The following SMIM35 variants were observed in gnomAD, a reference collection of about 807,000 sequenced individuals.
SMIM35 encodes TMPRSS4 antisense RNA 1 (non-protein coding).
At chr11:118,056,479 C>T (rs952647932) in intron 1 of SMIM35, among the ~76,000 whole-genome samples, 3 of 152,224 alleles carry the variant, frequency 2.0e-5, no homozygotes, top group African/African-American at 7.2e-5. Context: ...GCAGTTCCAT[C>T]GTCCTGTTGA....
At chr11:118,063,663 A>G (rs1310970709) in intron 1 of SMIM35, among the ~76,000 whole-genome samples, 1 of 152,166 alleles carries the variant, frequency 6.6e-6, no homozygotes, top group Non-Finnish European at 1.5e-5. Context: ...CCACCCCTAA[A>G]CTTAGGGGAG....
intron 1 of SMIM35, among the ~76,000 whole-genome samples, chr11:118,033,039 G>A (rs930581275): frequency 3.3e-5 from 5 of 152,178 alleles, no homozygotes; most frequent in African/African-American, 1.2e-4. Flanking sequence ...CACACGCATG[G>A]AAATTTTTAT....
chr11:118,062,151 G>A (rs989083898), intron 1 of SMIM35, among the ~76,000 whole-genome samples: 4 of 152,188 alleles, frequency 2.6e-5, no homozygotes, highest in Non-Finnish European at 4.4e-5. Context: ...CCAACATGGC[G>A]AAATCCCATC....
chr11:118,046,828 G>T (rs1329889380), intron 1 of SMIM35, among the ~76,000 whole-genome samples: 3 of 152,212 alleles, frequency 2.0e-5, no homozygotes, highest in Non-Finnish European at 4.4e-5. Context: ...TCATATGAGA[G>T]TCGGTATAGG....
chr11:118,046,359 T>G (rs1031001194), intron 1 of SMIM35, among the ~76,000 whole-genome samples: 20 of 152,214 alleles, frequency 1.3e-4, no homozygotes, highest in Non-Finnish European at 2.2e-4. Context: ...TAGATGGATG[T>G]GTGATCTCCT....
At chr11:118,075,999 TG>T (rs1474471151) in intron 1 of SMIM35, among the ~76,000 whole-genome samples, 1 of 152,228 alleles carries the variant, frequency 6.6e-6, no homozygotes, top group African/African-American at 2.4e-5. Flanking sequence ...CTGGGTGCGG[TG>T]GCTCACGCCA....
rs2058246533 is a variant in SMIM35 at position 118,023,239 on chromosome 11, G to A, written c.8-7430C>T. Among the ~76,000 whole-genome samples, 3 of 152,100 alleles carry A rather than the reference G, an allele frequency of 2.0e-5. No individual in the cohort carries two copies. In the South Asian group the frequency reaches 6.2e-4, roughly 32 times the overall value. Reference sequence around the variant, plus strand: ...GAATCCTATTCACTCATCAGTCTGAGGCCTTCAGCAAGTTATTTAACCACC... The same window carrying A: ...GAATCCTATTCACTCATCAGTCTGAAGCCTTCAGCAAGTTATTTAACCACC... On this transcript the variant is annotated intron_variant, in intron 1 of 4. Transcript: ENST00000689828.
At chr11:118,028,916 G>A in intron 1 of SMIM35, 1 of 418,928 alleles carries the variant, frequency 2.4e-6, no homozygotes, top group Admixed American at 2.7e-5. Context: ...AGGAGGAGGA[G>A]GAGGGGAAAA....
rs1450732727 is a variant in SMIM35 at position 118,004,062 on chromosome 11, C to G, written c.*2348G>C. 2.0e-5 allele frequency: 3 copies of G among 152,298 alleles called. No homozygotes were observed. Among genetic ancestry groups the G allele is most frequent in the East Asian group, 3.9e-4 (2 of 5,184 alleles). 9.4% of individuals were successfully genotyped at this position (152,298 alleles called of 1,614,324 possible). On this transcript the variant is annotated 3_prime_UTR_variant, in exon 5 of 5. Transcript: ENST00000689828. ...GGCTCTCTTCCTGGCTTGGAGACGGCCTCCTTCTTGCTGTGGCCTTACACG... is the reference window on the plus strand; with the variant it reads ...GGCTCTCTTCCTGGCTTGGAGACGGGCTCCTTCTTGCTGTGGCCTTACACG...
chr11:118,013,607 C>A (rs1026224224), intron 4 of SMIM35, 141 bp downstream of exon 4: 30 of 386,800 alleles, frequency 7.8e-5, no homozygotes, highest in African/African-American at 4.8e-4. Flanking sequence ...AGCCTGAGAT[C>A]GGCACCAGAA....
intron 1 of SMIM35, among the ~76,000 whole-genome samples, chr11:118,037,417 TA>T: frequency 6.6e-6 from 1 of 152,276 alleles, no homozygotes; most frequent in East Asian, 1.9e-4. Flanking sequence ...CTAGAGGTCC[TA>T]AGAAGGGGAG....
chr11:118,007,531 G>C (rs1642558583), intron 4 of SMIM35, among the ~76,000 whole-genome samples: 1 of 152,090 alleles, frequency 6.6e-6, no homozygotes, highest in Non-Finnish European at 1.5e-5. Context: ...AAATAGTGGG[G>C]GCTACAGTCA....
chr11:118,060,679 C>T (rs996888245), intron 1 of SMIM35, among the ~76,000 whole-genome samples: 9 of 152,106 alleles, frequency 5.9e-5, no homozygotes, highest in Non-Finnish European at 1.0e-4. Context: ...TCTGGGACCC[C>T]CTTCTACAGA....
chr11:118,080,238 C>G (rs796683879), intron 1 of SMIM35, among the ~76,000 whole-genome samples: 63 of 152,296 alleles, frequency 4.1e-4, no homozygotes, highest in African/African-American at 1.5e-3. Flanking sequence ...GGAAGAGAAA[C>G]TATTTGCATT....
intron 1 of SMIM35, chr11:118,067,436 G>A (rs1033188341): frequency 2.6e-5 from 4 of 152,202 alleles, no homozygotes; most frequent in Non-Finnish European, 5.9e-5. Context: ...TGGCCCAGGT[G>A]GGAAATGGAG....
intron 1 of SMIM35, among the ~76,000 whole-genome samples, chr11:118,039,000 A>T (rs951985762): frequency 6.6e-6 from 1 of 152,200 alleles, no homozygotes; most frequent in Admixed American, 6.5e-5. Flanking sequence ...GAGAAGAAGC[A>T]GGAGAGATAA....
intron 1 of SMIM35, among the ~76,000 whole-genome samples, chr11:118,065,369 T>C (rs1811945081): frequency 6.6e-6 from 1 of 152,158 alleles, no homozygotes; most frequent in Non-Finnish European, 1.5e-5. Context: ...AAGTGAAATA[T>C]AGAGAGTGAT....
At chr11:118,019,555 T>C (rs1007657898) in intron 1 of SMIM35, among the ~76,000 whole-genome samples, 1 of 152,240 alleles carries the variant, frequency 6.6e-6, no homozygotes, top group Non-Finnish European at 1.5e-5. Context: ...TCTTTGGCTG[T>C]GGTTTGCCTC....
chr11:118,079,602 T>C (rs1231590916), intron 1 of SMIM35, among the ~76,000 whole-genome samples: 3 of 152,204 alleles, frequency 2.0e-5, no homozygotes, highest in African/African-American at 7.2e-5. Context: ...AAACGCACCC[T>C]GAGCCACCAG....
Sources: gnomAD v4.1 joint callset for allele counts (sites outside exome capture counted in the v4.1 genomes callset) on GRCh38, gnomAD v4.1.1 for gene constraint, MANE v1.5 for transcripts, NCBI Gene and HGNC (gene_info 2026-07-23, HGNC 2026-07-21) for gene names.